The following CLIP1 variants were observed in gnomAD, a reference collection of about 807,000 sequenced individuals.
CLIP1 encodes the protein CAP-Gly domain-containing linker protein 1.
CLIP1 carries 66 observed loss-of-function variants against 161.6 expected under a neutral mutation model. The ratio of observed to expected loss-of-function variants is 0.41; its 90% CI spans 0.33 to 0.50. The LOEUF (loss-of-function observed/expected upper bound fraction) is 0.50. CLIP1 is among the 20% of genes least tolerant of loss of function. CLIP1 has a pLI of 0.27. For synonymous variants in CLIP1, 598 were observed against 626.2 expected (o/e 0.96, Z 0.67); for missense variants, 1,376 against 1,702.0 (o/e 0.81, Z 3.37).
At chr12:122,362,366 C>T (rs1300970848) in intron 4 of CLIP1, among the ~76,000 whole-genome samples, 2 of 150,804 alleles carry the variant, frequency 1.3e-5, no homozygotes, top group African/African-American at 4.9e-5. Context: ...AAAAAAGAGG[C>T]CAGGCGCCGT....
intron 10 of CLIP1, among the ~76,000 whole-genome samples, chr12:122,346,629 T>C (rs1001032723): frequency 6.6e-6 from 1 of 152,052 alleles, no homozygotes; most frequent in Non-Finnish European, 1.5e-5. Context: ...CAGCCTCCCA[T>C]GTACCTGAGA....
chr12:122,378,907 C>T (rs984431498), intron 2 of CLIP1, among the ~76,000 whole-genome samples: 1 of 152,030 alleles, frequency 6.6e-6, no homozygotes, highest in African/African-American at 2.4e-5. Flanking sequence ...GGGCAGATCA[C>T]CTGAGGTCGG....
intron 9 of CLIP1, among the ~76,000 whole-genome samples, chr12:122,348,121 T>C (rs887669104): frequency 6.6e-6 from 1 of 151,984 alleles, no homozygotes; most frequent in Non-Finnish European, 1.5e-5. Flanking sequence ...TCTGCAGAAA[T>C]GGGTGAGAAG....
At chr12:122,335,377 C>CA (rs1209061058) in intron 12 of CLIP1, among the ~76,000 whole-genome samples, 1 of 151,730 alleles carries the variant, frequency 6.6e-6, no homozygotes, top group East Asian at 1.9e-4. Flanking sequence ...TGCCATCCCA[C>CA]AGCCAGACTC....
At chr12:122,320,673 A>G (rs1468110818) in intron 17 of CLIP1, among the ~76,000 whole-genome samples, 1 of 150,864 alleles carries the variant, frequency 6.6e-6, no homozygotes, top group Non-Finnish European at 1.5e-5. Context: ...GCAGTGAGCC[A>G]AGGTCACACC....
chr12:122,293,865 C>T (rs1386261216), intron 20 of CLIP1, among the ~76,000 whole-genome samples: 48 of 147,950 alleles, frequency 3.2e-4, no homozygotes, highest in African/African-American at 1.1e-3. Flanking sequence ...AGTGCAGCGG[C>T]GCAATCTCGG....
chr12:122,294,347 A>C lies in CLIP1; in HGVS notation c.3595-5806T>G, dbSNP rs1566085934. ...CTGTCTCAAAAAAAAAAAAAAACAA[A>C]AAAAAAAACCCCAAACTGGAACAAC... On this transcript the variant is annotated intron_variant, in intron 20 of 25. Coordinates refer to ENST00000620786, the MANE Select transcript of CLIP1 (RefSeq NM_001247997.2). Among the ~76,000 whole-genome samples, 4 of 150,650 alleles carry C rather than the reference A, an allele frequency of 2.7e-5. No homozygotes were observed. The East Asian group carries it at 7.8e-4, about 29-fold the overall frequency.
In CLIP1 at chr12:122,279,244, A is replaced by T. The variant is rs1955551512; in HGVS notation, c.3648-99T>A. On this transcript the variant is annotated intron_variant, in intron 21 of 25. Transcript: ENST00000620786. This position sits in a 1 kb window ranked among gnomAD's most constrained non-coding sequence, Gnocchi z 4.5. The stretch of plus-strand genomic sequence containing the variant: ...ACACATAATTAATGTTAGTTAATGT[A>T]AAAAAAAAAATATAACAGGGAAGTT... 1 of 326,036 alleles carries T rather than the reference A, an allele frequency of 3.1e-6. No homozygotes were observed. The highest frequency in any genetic ancestry group is 5.0e-6 in the Non-Finnish European group (1 of 200,164). The allele number at this position is 326,036 out of a possible 1,614,324, so 20.2% of individuals were successfully genotyped here.
chr12:122,332,959 C>G, intron 15 of CLIP1, 28 bp downstream of exon 15: 1 of 1,598,734 alleles, frequency 6.3e-7, no homozygotes, highest in Non-Finnish European at 8.5e-7. Context: ...AACCTAAGGT[C>G]AGCACTCTTT....
At chr12:122,319,513 G>A (rs958011135) in intron 17 of CLIP1, among the ~76,000 whole-genome samples, 165 bp from the exon 18 acceptor site, 44 of 152,342 alleles carry the variant, frequency 2.9e-4, no homozygotes, top group Admixed American at 1.6e-3. Flanking sequence ...GACGGACCAG[G>A]ACAGGAAAGG....
rs144246329 is a variant in CLIP1 at position 122,291,585 on chromosome 12, T to C, written c.3595-3044A>G. ...AACGTCAGTTTGGATTCGTCTGATG[T>C]TTCCATGTCATTAGAGTCAAATCAT... is the stretch of plus-strand genomic sequence containing the variant. On this transcript the variant is annotated intron_variant, in intron 20 of 25. Transcript: ENST00000620786. Among the ~76,000 whole-genome samples, 621 of 152,248 alleles carry C rather than the reference T, an allele frequency of 4.1e-3. 8 individuals are homozygous for C. The highest frequency in any genetic ancestry group is 0.014 in the African/African-American group (585 of 41,536).
rs146827162 is a variant in CLIP1 at position 122,312,400 on chromosome 12, G to C, written c.3474-2518C>G. 4.8e-3 allele frequency among the ~76,000 whole-genome samples: 736 copies of C among 152,282 alleles called. 10 individuals carry two copies. Among genetic ancestry groups the C allele is most frequent in the African/African-American group, 0.017 (695 of 41,550 alleles). Reference sequence around the variant, plus strand: ...AAGCAGCCTTGTAAGTGGCACACAGGAAAAGAACAGTTACAAGTGCTGGTT... The same window carrying C: ...AAGCAGCCTTGTAAGTGGCACACAGCAAAAGAACAGTTACAAGTGCTGGTT... On this transcript the variant is annotated intron_variant, in intron 19 of 25. Transcript: ENST00000620786.
At chr12:122,365,471 C>T (rs1954095556) in intron 3 of CLIP1, 7 of 784,334 alleles carry the variant, frequency 8.9e-6, no homozygotes, top group East Asian at 4.9e-5. Flanking sequence ...CTTCCTGAAA[C>T]GCGTGAAGGA....
At chr12:122,415,238 T>C (rs1373671281) in intron 1 of CLIP1, among the ~76,000 whole-genome samples, 1 of 151,784 alleles carries the variant, frequency 6.6e-6, no homozygotes, top group African/African-American at 2.4e-5. Context: ...TCCCAGCACT[T>C]TGGGAGGCAG....
intron 1 of CLIP1, among the ~76,000 whole-genome samples, chr12:122,415,247 A>C (rs79961124): frequency 0.1 from 15,338 of 146,100 alleles, 1,246 homozygotes; most frequent in East Asian, 0.47. Flanking sequence ...TTTGGGAGGC[A>C]GAGGCGGGCG....
rs78896010 is a variant in CLIP1, at chr12:122,373,379, C to A, written c.657+4010G>T. Among the ~76,000 whole-genome samples the A allele has an allele frequency of 3.0e-4, 46 of 150,910 alleles. No homozygotes were observed. In the Middle Eastern group the frequency reaches 0.014, roughly 45 times the overall value. On this transcript the variant is annotated intron_variant, in intron 3 of 25. Coordinates refer to ENST00000620786, the MANE Select transcript of CLIP1 (RefSeq NM_001247997.2). ...CAGAGGTTGCAGTGAGCCAAGATTG[C>A]GCCACTGCACTCCAACCTAGGGGGA...
Position 122,341,661 on chromosome 12 carries a change from G to T in CLIP1, c.1543C>A (p.Leu515Met), listed in dbSNP as rs1377896022. Residue 515 changes from leucine (L) to methionine (M), a missense_variant, in exon 11 of 26, where the codon CTG becomes ATG. This residue lies in a region of CLIP1 where 948 missense variants were observed against 1,134.8 expected (regional missense o/e 0.84). Coordinates refer to ENST00000620786, the MANE Select transcript of CLIP1 (RefSeq NM_001247997.2). ...ACTCTCAATGCTAGGTCTTTCTCCA[G>T]TTCCATTATACGTGACTTTTCTGAA... ...TVSEKSRIME[L>M]EKDLALRVQE... 3.8e-6 allele frequency: 6 copies of T among 1,596,382 alleles called. No individual in the cohort carries two copies. Among genetic ancestry groups the T allele is most frequent in the Non-Finnish European group, 5.1e-6 (6 of 1,173,022 alleles).
intron 24 of CLIP1, chr12:122,276,666 A>G (rs1955441413): frequency 3.0e-6 from 1 of 331,412 alleles, no homozygotes; most frequent in South Asian, 2.6e-5. Flanking sequence ...TAAATATAAA[A>G]TGTGGCTTTT....
upstream of CLIP1, chr12:122,422,759 C>T (rs1593290557): frequency 1.6e-5 from 2 of 126,502 alleles, no homozygotes; most frequent in South Asian, 4.8e-4. Context: ...CGAGTCCGCA[C>T]CGGCCCTGCG....
Sources: gnomAD v4.1 joint callset for allele counts (sites outside exome capture counted in the v4.1 genomes callset) on GRCh38, gnomAD v4.1.1 for gene constraint, gnomAD v4.1.1 regional missense constraint, Gnocchi (gnomAD v3.1) non-coding constraint, MANE v1.5 for transcripts, NCBI Gene and HGNC (gene_info 2026-07-23, HGNC 2026-07-21) for gene names.